Variants in VWA3B observed in about 807,000 individuals in gnomAD.
VWA3B encodes von Willebrand factor A domain containing 3B, also known as von Willebrand factor A domain-containing protein 3B.
VWA3B carries 138 observed loss-of-function variants against 158.3 expected under a neutral mutation model. The observed-to-expected ratio is 0.87, with a 90% CI of 0.76 to 1.00. The LOEUF (loss-of-function observed/expected upper bound fraction) is 1.00. Among genes scored for constraint, VWA3B ranks in the 50% least tolerant of loss-of-function variants. The pLI is 0.00. For missense variants in VWA3B, 1,555 were observed against 1,565.1 expected (o/e 0.99, Z 0.11); for synonymous variants, 596 against 587.3 (o/e 1.01, Z -0.21).
the VWA3B span, among the ~76,000 whole-genome samples, chr2:98,321,979 G>A: frequency 1.3e-5 from 2 of 152,100 alleles, no homozygotes; most frequent in Non-Finnish European, 2.9e-5. Context: ...CTTGTGATAG[G>A]GATAAGTCTC....
At chr2:98,164,404 G>A (rs958553176) in intron 8 of VWA3B, among the ~76,000 whole-genome samples, 3 of 152,196 alleles carry the variant, frequency 2.0e-5, no homozygotes, top group Non-Finnish European at 4.4e-5. Context: ...GGTAGTAACA[G>A]CAATATGACC....
intron 14 of VWA3B, among the ~76,000 whole-genome samples, chr2:98,220,946 A>T (rs1684445192): frequency 6.6e-6 from 1 of 152,076 alleles, no homozygotes; most frequent in Admixed American, 6.6e-5. Context: ...CAGGGAGGGG[A>T]ACATCACACA....
chr2:98,196,871 A>G (rs994892171), intron 12 of VWA3B, among the ~76,000 whole-genome samples: 5 of 152,246 alleles, frequency 3.3e-5, no homozygotes, highest in African/African-American at 1.2e-4. Flanking sequence ...CTTACAAAAA[A>G]GTTGCAAAAG....
At chr2:98,139,764 G>T (rs943711655) in intron 7 of VWA3B, among the ~76,000 whole-genome samples, 2 of 152,104 alleles carry the variant, frequency 1.3e-5, no homozygotes, top group Non-Finnish European at 1.5e-5. Flanking sequence ...AGACCACTCG[G>T]CTCTACCAAT....
chr2:98,236,334 T>C (rs1214674368), intron 17 of VWA3B, 56 bp from the exon 18 acceptor site: 34 of 1,588,862 alleles, frequency 2.1e-5, no homozygotes, highest in Non-Finnish European at 2.9e-5. Flanking sequence ...CCCTTTGCAT[T>C]TTATGTAAAA....
intron 10 of VWA3B, among the ~76,000 whole-genome samples, chr2:98,192,588 A>G (rs908468637): frequency 3.9e-5 from 6 of 152,198 alleles, no homozygotes; most frequent in Non-Finnish European, 8.8e-5. Context: ...GTGTATGTGT[A>G]GGTCACAGGG....
At chr2:98,229,779 G>A (rs367732978) in intron 15 of VWA3B, among the ~76,000 whole-genome samples, 1 of 152,132 alleles carries the variant, frequency 6.6e-6, no homozygotes, top group African/African-American at 2.4e-5. Context: ...AGTTTAGAGA[G>A]GATTGAGTGA....
At chr2:98,205,544 C>T (rs1373991597) in intron 12 of VWA3B, among the ~76,000 whole-genome samples, 1 of 151,998 alleles carries the variant, frequency 6.6e-6, no homozygotes, top group East Asian at 1.9e-4. Context: ...TTATTATTTA[C>T]TTCTTTCTGC....
intron 7 of VWA3B, among the ~76,000 whole-genome samples, chr2:98,148,968 C>A (rs570630106): frequency 3.7e-4 from 56 of 152,302 alleles, no homozygotes; most frequent in Non-Finnish European, 6.8e-4. Context: ...GCTGGACTGA[C>A]TCTTCTAAGG....
chr2:98,212,858 A>G (rs1052360078), intron 13 of VWA3B, among the ~76,000 whole-genome samples: 4 of 152,170 alleles, frequency 2.6e-5, no homozygotes, highest in African/African-American at 9.7e-5. Flanking sequence ...GAAGCAGTTC[A>G]TCGTGTCTCT....
intron 12 of VWA3B, among the ~76,000 whole-genome samples, chr2:98,199,457 G>A (rs1682343370): frequency 2.0e-5 from 3 of 152,086 alleles, no homozygotes; most frequent in African/African-American, 7.2e-5. Context: ...ATTACCCACA[G>A]CAAAAGCAGT....
Position 98,176,978 on chromosome 2 carries a change from A to G in VWA3B, c.1115-4038A>G, listed in dbSNP as rs1680065678. Among the ~76,000 whole-genome samples the G allele has an allele frequency of 1.3e-5, 2 of 152,128 alleles. 1 individual carries two copies. Among genetic ancestry groups the G allele is most frequent in the Admixed American group, 1.3e-4 (2 of 15,272 alleles). ...GGCATGTGGGGCTAGCGTGGCAGGAATGAGGTGCCAGGCAAGTAACATTCA... is the reference window on the plus strand; with the variant it reads ...GGCATGTGGGGCTAGCGTGGCAGGAGTGAGGTGCCAGGCAAGTAACATTCA... On this transcript the variant is annotated intron_variant, in intron 8 of 27. Coordinates refer to ENST00000477737, the MANE Select transcript of VWA3B (RefSeq NM_144992.5).
intron 23 of VWA3B, among the ~76,000 whole-genome samples, chr2:98,292,285 T>C (rs79485170): frequency 0.038 from 5,799 of 152,204 alleles, 133 homozygotes; most frequent in South Asian, 0.065. Flanking sequence ...TTCATAGGCA[T>C]GATCTATCTA....
chr2:98,263,648 T>C (rs1353331080), intron 21 of VWA3B, among the ~76,000 whole-genome samples: 4 of 152,042 alleles, frequency 2.6e-5, no homozygotes, highest in African/African-American at 9.7e-5. Context: ...GCTACTGTTT[T>C]GTTGAGGATT....
chr2:98,143,341 G>A (rs769644546), intron 7 of VWA3B, among the ~76,000 whole-genome samples: 2 of 152,074 alleles, frequency 1.3e-5, no homozygotes, highest in African/African-American at 2.4e-5. Context: ...GCCTGGCCAA[G>A]TTATATCAAG....
intron 7 of VWA3B, among the ~76,000 whole-genome samples, chr2:98,135,578 G>A (rs961563566): frequency 2.0e-5 from 3 of 151,658 alleles, no homozygotes; most frequent in East Asian, 1.9e-4. Context: ...CTCGTGATCC[G>A]CCCGCCTCGG....
intron 7 of VWA3B, among the ~76,000 whole-genome samples, chr2:98,157,923 A>G: frequency 6.6e-6 from 1 of 152,148 alleles, no homozygotes; most frequent in Non-Finnish European, 1.5e-5. Context: ...TATCTTTCTA[A>G]TTGCTTTTCT....
chr2:98,324,143 A>G, the VWA3B span, among the ~76,000 whole-genome samples: 1 of 152,046 alleles, frequency 6.6e-6, no homozygotes. Flanking sequence ...GATTTTGTGC[A>G]TAAACTTGGC....
At chr2:98,249,754 C>T (rs542145497) in intron 19 of VWA3B, among the ~76,000 whole-genome samples, 8 of 152,060 alleles carry the variant, frequency 5.3e-5, no homozygotes, top group South Asian at 2.1e-4. Flanking sequence ...ATCTCTTATC[C>T]GAGATCACAC....
Sources: gnomAD v4.1 joint callset for allele counts (sites outside exome capture counted in the v4.1 genomes callset) on GRCh38, gnomAD v4.1.1 for gene constraint, MANE v1.5 for transcripts, NCBI Gene and HGNC (gene_info 2026-07-23, HGNC 2026-07-21) for gene names.